The following ATXN7L2 variants were observed in gnomAD, a reference collection of about 807,000 sequenced individuals.
ATXN7L2 encodes ataxin 7 like 2.
Under a neutral mutation model 59.6 loss-of-function variants are expected in ATXN7L2, and 17 were observed. The observed-to-expected ratio is 0.29, with a 90% CI of 0.20 to 0.43. ATXN7L2 has a LOEUF of 0.43. ATXN7L2 is among the 20% of genes least tolerant of loss of function. The pLI is 1.00. For missense variants in ATXN7L2, 858 were observed against 1,008.9 expected (o/e 0.85, Z 2.03); for synonymous variants, 378 against 392.5 (o/e 0.96, Z 0.44).
At chr1:109,485,459 T>C in intron 1 of ATXN7L2, 3 of 985,322 alleles carry the variant, frequency 3.0e-6, no homozygotes, top group Non-Finnish European at 2.4e-6. Context: ...TCTGTGACCA[T>C]CCTATCAGTG....
chr1:109,486,528 C>G lies in ATXN7L2; in HGVS notation c.216C>G (p.Cys72Trp), dbSNP rs1293880942. The part of the protein sequence containing the change: ...IKEDMSIFGH[C>W]PAHDDFYLVV... ...CAGACATGTCCATCTTCGGGCACTGCCCTGCCCATGATGACTTCTACTTGG... is the reference window on the plus strand; with the variant it reads ...CAGACATGTCCATCTTCGGGCACTGGCCTGCCCATGATGACTTCTACTTGG... The change falls in exon 3 of 11, where the codon TGC becomes TGG. Residue 72 changes from cysteine (C) to tryptophan (W), a missense_variant. Cys to Trp is a radical substitution (Grantham distance 215, BLOSUM62 -2). This residue lies in a region of ATXN7L2 where 29 missense variants were observed against 64.0 expected (regional missense o/e 0.45). Transcript: ENST00000683729. This position sits in a 1 kb window ranked among gnomAD's most constrained non-coding sequence, Gnocchi z 4.3. 1.2e-6 allele frequency: 2 copies of G among 1,613,736 alleles called. No homozygotes were observed. Among genetic ancestry groups the G allele is most frequent in the Non-Finnish European group, 1.7e-6 (2 of 1,179,782 alleles).
At chr1:109,485,871 G>A in intron 1 of ATXN7L2, 186 bp from the exon 2 acceptor site, 2 of 1,239,462 alleles carry the variant, frequency 1.6e-6, no homozygotes, top group Non-Finnish European at 2.0e-6. Flanking sequence ...TTCCCCAAGT[G>A]GTCCTAGCAC....
chr1:109,490,125 G>C lies in ATXN7L2; in HGVS notation c.1329G>C (p.Gln443His), dbSNP rs1200382706. Residue 443 changes from glutamine (Q) to histidine (H), a missense_variant, in exon 8 of 11, where the codon CAG becomes CAC. This residue lies in a region of ATXN7L2 where 734 missense variants were observed against 862.3 expected (regional missense o/e 0.85). Transcript: ENST00000683729. ...ATGCAACCCGGCCCCCACGGCCACA[G>C]GCGGTAAGGACCTGGAATAGGGGCC... is the stretch of plus-strand genomic sequence containing the variant. Reference protein sequence around the residue: ...CHYATRPPRPQAFCTFGSRLV... With the variant: ...CHYATRPPRPHAFCTFGSRLV... The C allele has an allele frequency of 1.3e-6, 2 of 1,568,208 alleles. No individual in the cohort carries two copies. Among genetic ancestry groups the C allele is most frequent in the African/African-American group, 2.7e-5 (2 of 73,760 alleles).
At chr1:109,489,395 G>C (rs1427938874) in intron 7 of ATXN7L2, 4 of 463,928 alleles carry the variant, frequency 8.6e-6, no homozygotes, top group South Asian at 6.0e-5. Context: ...GAGCTGAAAG[G>C]GTCACACTCC....
chr1:109,486,909 C>A lies in ATXN7L2; in HGVS notation c.299-98C>A. On this transcript the variant is annotated intron_variant, in intron 3 of 10. Transcript: ENST00000683729. The surrounding 1 kb of genome is among the most constrained non-coding windows in gnomAD (Gnocchi z 4.3). ...ATGTTTACAATCTAATTTATGGAAA[C>A]TCAGATTCTCTCATGTGAGTCTATG... The A allele has an allele frequency of 8.9e-7, 1 of 1,127,982 alleles. No homozygotes were observed. The highest frequency in any genetic ancestry group is 1.2e-6 in the Non-Finnish European group (1 of 810,850). 69.9% of individuals were successfully genotyped at this position (1,127,982 alleles called of 1,614,324 possible).
In ATXN7L2 at chr1:109,486,144, G is replaced by A; in HGVS notation, c.193+22G>A. 1 of 1,561,924 alleles carries A rather than the reference G, an allele frequency of 6.4e-7. No homozygotes were observed. On this transcript the variant is annotated intron_variant, in intron 2 of 10. Coordinates refer to ENST00000683729, the MANE Select transcript of ATXN7L2 (RefSeq NM_001350175.2). The surrounding 1 kb of genome is among the most constrained non-coding windows in gnomAD (Gnocchi z 4.3). ...GAAGGTGGGAGTCGACACACATTAG[G>A]GCTGGGACCCAGGGCAGACAGGACC...
chr1:109,485,881 C>G, intron 1 of ATXN7L2, 176 bp from the exon 2 acceptor site: 2 of 1,256,108 alleles, frequency 1.6e-6, no homozygotes. Flanking sequence ...GGTCCTAGCA[C>G]CAGGAGCTTG....
chr1:109,486,175 C>A lies in ATXN7L2; in HGVS notation c.193+53C>A. ...GACCCAGGGCAGACAGGACCACGCT[C>A]CACTTTTCCACCACACTACAGAAGG... On this transcript the variant is annotated intron_variant, in intron 2 of 10. Coordinates refer to ENST00000683729, the MANE Select transcript of ATXN7L2 (RefSeq NM_001350175.2). This position sits in a 1 kb window ranked among gnomAD's most constrained non-coding sequence, Gnocchi z 4.3. 6.6e-7 allele frequency: 1 copy of A among 1,508,296 alleles called. No individual in the cohort carries two copies. The highest frequency in any genetic ancestry group is 1.4e-5 in the African/African-American group (1 of 71,358). 93.4% of individuals were successfully genotyped at this position (1,508,296 alleles called of 1,614,324 possible).
Position 109,490,914 on chromosome 1 carries a change from T to G in ATXN7L2, c.1455-8T>G. ...GGCAGTCACAGTGGGGCTTTCTTTT[T>G]GCTGCAGGAAGATCCCACCGGCAGC... On this transcript the variant is annotated splice_region_variant and splice_polypyrimidine_tract_variant and intron_variant, in intron 9 of 10. Transcript: ENST00000683729. 2 of 1,540,110 alleles carry G rather than the reference T, an allele frequency of 1.3e-6. No homozygotes were observed. Among genetic ancestry groups the G allele is most frequent in the Middle Eastern group, 1.8e-4 (1 of 5,680 alleles).
chr1:109,485,403 G>A (rs1656508681), intron 1 of ATXN7L2: 4 of 985,472 alleles, frequency 4.1e-6, no homozygotes, highest in Non-Finnish European at 4.8e-6. Context: ...AGCTGACCAA[G>A]GAGACTTTGA....
At chr1:109,485,852 A>C in intron 1 of ATXN7L2, 7 of 1,225,780 alleles carry the variant, frequency 5.7e-6, no homozygotes, top group Non-Finnish European at 7.1e-6. Context: ...GAATGGACCC[A>C]CTGAAAGGTT....
intron 1 of ATXN7L2, chr1:109,485,270 G>C: frequency 1.1e-6 from 1 of 919,772 alleles, no homozygotes; most frequent in Non-Finnish European, 1.3e-6. Flanking sequence ...GGGGAGGAGA[G>C]AGGTAGGGGG....
chr1:109,484,198 C>T, intron 1 of ATXN7L2, 118 bp downstream of exon 1: 1 of 1,115,796 alleles, frequency 9.0e-7, no homozygotes. Context: ...CCCCGGCCCC[C>T]CAAACAAAGG....
At position 109,483,945 on chromosome 1, in the gene ATXN7L2, G is replaced by A; in HGVS notation, c.-9G>A. The A allele has an allele frequency of 8.1e-7, 1 of 1,232,228 alleles. No individual in the cohort carries two copies. Among genetic ancestry groups the A allele is most frequent in the Non-Finnish European group, 1.0e-6 (1 of 983,682 alleles). The allele number at this position is 1,232,228 out of a possible 1,614,324, so 76.3% of individuals were successfully genotyped here. On this transcript the variant is annotated 5_prime_UTR_variant, in exon 1 of 11. Coordinates refer to ENST00000683729, the MANE Select transcript of ATXN7L2 (RefSeq NM_001350175.2). Reference sequence around the variant, plus strand: ...GCGGCGCCAGGGCGGGCGCGCGTCCGCGGCGGTGATGGCGGTGCGTGAACG... The same window carrying A: ...GCGGCGCCAGGGCGGGCGCGCGTCCACGGCGGTGATGGCGGTGCGTGAACG...
intron 7 of ATXN7L2, chr1:109,489,716 C>T (rs1336293278): frequency 8.4e-6 from 5 of 594,332 alleles, no homozygotes; most frequent in Non-Finnish European, 1.5e-5. Flanking sequence ...GGTGAAGGGG[C>T]TGGGGAGAGA....
rs745514222 is a variant in ATXN7L2 at position 109,491,712 on chromosome 1, C to G, written c.2245C>G (p.Leu749Val). 2 of 1,591,726 alleles carry G rather than the reference C, an allele frequency of 1.3e-6. No individual in the cohort carries two copies. The highest frequency in any genetic ancestry group is 1.7e-6 in the Non-Finnish European group (2 of 1,166,390). Residue 749 changes from leucine (L) to valine (V), a missense_variant, in exon 10 of 11, where the codon CTG (leucine) becomes GTG (valine). Transcript: ENST00000683729. This position sits in a 1 kb window ranked among gnomAD's most constrained non-coding sequence, Gnocchi z 4.1. ...GGCCTTTGAGGAGAAGTGCTCTACA[C>G]TGAAGGTACCAGCCAGGCTCCCTGA... ...ALAFEEKCST[L>V]KSKAH
Position 109,490,478 on chromosome 1 carries a change from T to G in ATXN7L2, c.1454+86T>G, listed in dbSNP as rs377453141. On this transcript the variant is annotated intron_variant, in intron 9 of 10. Coordinates refer to ENST00000683729, the MANE Select transcript of ATXN7L2 (RefSeq NM_001350175.2). ...CTTGGGCTTCAGAAGCCCTGATCTT[T>G]CCTGTATACCCATAGGTGTGCCTTG... The G allele has an allele frequency of 2.0e-6, 3 of 1,536,702 alleles. No individual in the cohort carries two copies. In the African/African-American group the frequency reaches 4.1e-5, roughly 21 times the overall value.
chr1:109,490,642 A>T (rs1408647285), intron 9 of ATXN7L2, among the ~76,000 whole-genome samples: 1 of 152,156 alleles, frequency 6.6e-6, no homozygotes. Context: ...CACTTCCAGT[A>T]CCTTTTGGGT....
rs1351360762 is a variant in ATXN7L2 at position 109,486,649 on chromosome 1, A to C, written c.298+39A>C. ...TAGGGAGGAGATAAAGGGACAGGGG[A>C]AGGTGGAGCATGGAACTCTGAGGAC... On this transcript the variant is annotated intron_variant, in intron 3 of 10. Transcript: ENST00000683729. This position sits in a 1 kb window ranked among gnomAD's most constrained non-coding sequence, Gnocchi z 4.3. The C allele has an allele frequency of 6.5e-7, 1 of 1,542,106 alleles. No homozygotes were observed. Among genetic ancestry groups the C allele is most frequent in the Admixed American group, 1.7e-5 (1 of 59,256 alleles).
Sources: allele counts gnomAD v4.1 joint callset (sites outside exome capture counted in the v4.1 genomes callset), GRCh38; gene constraint gnomAD v4.1.1; regional missense constraint gnomAD v4.1.1; non-coding constraint Gnocchi (gnomAD v3.1); transcripts MANE v1.5; gene names NCBI Gene and HGNC (gene_info 2026-07-23, HGNC 2026-07-21).